ANO2: variants seen among roughly 807,000 people sequenced by gnomAD.
ANO2 encodes anoctamin 2, also known as anoctamin-2.
Under a neutral mutation model 124.2 loss-of-function variants are expected in ANO2, and 101 were observed. The ratio of observed to expected loss-of-function variants is 0.81; its 90% CI spans 0.69 to 0.96. The LOEUF (loss-of-function observed/expected upper bound fraction) is 0.96. ANO2 is among the 40% of genes least tolerant of loss of function. The pLI, the probability that ANO2 is intolerant of heterozygous loss-of-function variation, is 0.00. For missense variants in ANO2, 1,293 were observed against 1,274.5 expected (o/e 1.01, Z -0.22); for synonymous variants, 486 against 482.5 (o/e 1.01, Z -0.09).
rs1321698691 is a variant in ANO2 at position 5,904,597 on chromosome 12, T to C, written c.534+16443A>G. On this transcript the variant is annotated intron_variant, in intron 3 of 24. Coordinates refer to ENST00000682330, the MANE Select transcript of ANO2 (RefSeq NM_001364791.2). This position sits in a 1 kb window ranked among gnomAD's most constrained non-coding sequence, Gnocchi z 4.1. ...ACACTCCACATCGTCCTGTCCTCCC[T>C]GCCAGAGCCCCAGGTGACCCTGGTA... Among the ~76,000 whole-genome samples, 1 of 152,220 alleles carries C rather than the reference T, an allele frequency of 6.6e-6. No individual in the cohort carries two copies. The highest frequency in any genetic ancestry group is 1.5e-5 in the Non-Finnish European group (1 of 68,040).
intron 3 of ANO2, among the ~76,000 whole-genome samples, chr12:5,910,325 C>T (rs568582090): frequency 3.4e-4 from 51 of 152,200 alleles, no homozygotes; most frequent in Non-Finnish European, 5.6e-4. Context: ...ATTACAGGCA[C>T]GTGCCACCAA....
chr12:5,912,279 G>A (rs1397226335), intron 3 of ANO2, among the ~76,000 whole-genome samples: 2 of 152,106 alleles, frequency 1.3e-5, no homozygotes, highest in South Asian at 2.1e-4. Context: ...CACCTCCTGG[G>A]GAGTATGAGA....
At chr12:5,827,512 A>C (rs561488677) in intron 7 of ANO2, among the ~76,000 whole-genome samples, 13 of 152,284 alleles carry the variant, frequency 8.5e-5, no homozygotes, top group South Asian at 8.3e-4. Context: ...TACAGGGAAA[A>C]GAGAAAGAGA....
chr12:5,845,733 T>A (rs1954666171), intron 4 of ANO2, among the ~76,000 whole-genome samples: 1 of 152,154 alleles, frequency 6.6e-6, no homozygotes, highest in South Asian at 2.1e-4. Context: ...CAGACAGACA[T>A]GATTTTGAGT....
At chr12:5,945,381 GC>G, upstream of ANO2, 1 of 699,242 alleles carries the variant, frequency 1.4e-6, no homozygotes, top group Non-Finnish European at 1.8e-6. Flanking sequence ...GCGCCGCGCA[GC>G]CACAGCCCAG....
chr12:5,601,691 A>C (rs1460257077), intron 19 of ANO2, among the ~76,000 whole-genome samples: 1 of 152,254 alleles, frequency 6.6e-6, no homozygotes, highest in Non-Finnish European at 1.5e-5. Context: ...TATACATAGA[A>C]AATTGAATAT....
intron 10 of ANO2, among the ~76,000 whole-genome samples, chr12:5,772,800 TA>T (rs1952121124): frequency 6.6e-6 from 1 of 152,252 alleles, no homozygotes. Flanking sequence ...TAAATTAAAA[TA>T]TTTTTGCTGA....
intron 10 of ANO2, among the ~76,000 whole-genome samples, chr12:5,771,478 T>C (rs1480845511): frequency 2.0e-5 from 3 of 152,232 alleles, no homozygotes; most frequent in Non-Finnish European, 4.4e-5. Flanking sequence ...ACCCTAAGGT[T>C]CATCTAAAAC....
At position 5,878,571 on chromosome 12, in the gene ANO2, CAA is replaced by C. The variant is rs1291145280; in HGVS notation, c.535-24432_535-24431del. 2.0e-5 allele frequency among the ~76,000 whole-genome samples: 3 copies of C among 152,290 alleles called. No individual in the cohort carries two copies. The East Asian group carries it at 5.8e-4, about 29-fold the overall frequency. On this transcript the variant is annotated intron_variant, in intron 3 of 24. Transcript: ENST00000682330. ...ATTGATTTTTCTCTTAAGCTGGATT[CAA>C]ATAACATAGACAAACATAGACAACA... is the stretch of plus-strand genomic sequence containing the variant.
intron 14 of ANO2, among the ~76,000 whole-genome samples, chr12:5,655,924 G>C (rs1947129789): frequency 6.6e-6 from 1 of 152,168 alleles, no homozygotes; most frequent in African/African-American, 2.4e-5. Context: ...CCAAAACTCA[G>C]GAAGGGACAT....
intron 14 of ANO2, among the ~76,000 whole-genome samples, chr12:5,683,548 A>G (rs1165573482): frequency 6.6e-6 from 1 of 152,004 alleles, no homozygotes; most frequent in Non-Finnish European, 1.5e-5. Flanking sequence ...GGCCACATAC[A>G]CCGTATTTTT....
chr12:5,578,247 A>G, intron 21 of ANO2, 119 bp downstream of exon 21: 1 of 1,413,520 alleles, frequency 7.1e-7, no homozygotes, highest in Non-Finnish European at 9.6e-7. Context: ...AGGATGAGGG[A>G]CCCAAAGGGA....
At chr12:5,723,533 C>T (rs1202187798) in intron 14 of ANO2, among the ~76,000 whole-genome samples, 3 of 151,102 alleles carry the variant, frequency 2.0e-5, no homozygotes, top group Non-Finnish European at 2.9e-5. Context: ...GGCTGGGGTG[C>T]CCCAGGGAGT....
intron 3 of ANO2, among the ~76,000 whole-genome samples, chr12:5,873,454 A>G (rs1461274855): frequency 6.6e-6 from 1 of 151,880 alleles, no homozygotes; most frequent in African/African-American, 2.4e-5. Flanking sequence ...GCCCTACTAC[A>G]CTCCAGGACC....
At position 5,563,156 on chromosome 12, in the gene ANO2, C is replaced by T; in HGVS notation, c.*143G>A. The T allele has an allele frequency of 4.4e-6, 5 of 1,138,704 alleles. No individual in the cohort carries two copies. Among genetic ancestry groups the T allele is most frequent in the Non-Finnish European group, 6.0e-6 (5 of 828,748 alleles). The allele number at this position is 1,138,704 out of a possible 1,614,324, so 70.5% of individuals were successfully genotyped here. A position where few individuals can be genotyped will look rare whatever the true frequency, so the allele number is the denominator to read the frequency against. ...CTACACTCATTCTGTCAGGCTCTTT[C>T]TTTTTACACACTGCCCCCTCTTCAA... On this transcript the variant is annotated 3_prime_UTR_variant, in exon 25 of 25. Transcript: ENST00000682330.
At chr12:5,625,078 A>G (rs1211731946) in intron 16 of ANO2, among the ~76,000 whole-genome samples, 1 of 152,200 alleles carries the variant, frequency 6.6e-6, no homozygotes, top group African/African-American at 2.4e-5. Flanking sequence ...CCGGAGAGTA[A>G]ATGTGTGGCT....
intron 14 of ANO2, among the ~76,000 whole-genome samples, chr12:5,698,657 G>A (rs1295189792): frequency 6.6e-6 from 1 of 152,182 alleles, no homozygotes; most frequent in Non-Finnish European, 1.5e-5. Context: ...CGAGCTAAAG[G>A]AGGATGTTCG....
At position 5,578,368 on chromosome 12, in the gene ANO2, A is replaced by G; in HGVS notation, c.2384T>C (p.Ile795Thr). Residue 795 changes from isoleucine (I) to threonine (T), a missense_variant and splice_region_variant, in exon 21 of 25, where the codon ATC becomes ACC. Ile to Thr is a moderately conservative substitution (Grantham distance 89). Transcript: ENST00000682330. ...GGGCCTCTAAGTGGGGCACGTACCG[A>G]TATCTTTGGTTCTTACAGCATCCGG... ...RRPDAVRTKD[I>T]GIWFDILSGI... The G allele has an allele frequency of 1.2e-6, 2 of 1,613,632 alleles. No homozygotes were observed. Among genetic ancestry groups the G allele is most frequent in the African/African-American group, 1.3e-5 (1 of 75,026 alleles).
intron 14 of ANO2, among the ~76,000 whole-genome samples, chr12:5,717,993 A>T (rs1421393151): frequency 6.6e-6 from 1 of 152,212 alleles, no homozygotes; most frequent in African/African-American, 2.4e-5. Flanking sequence ...GGTTTGGAGA[A>T]TCAGTAAGGA....
Sources: allele counts gnomAD v4.1 joint callset (sites outside exome capture counted in the v4.1 genomes callset), GRCh38; gene constraint gnomAD v4.1.1; non-coding constraint Gnocchi (gnomAD v3.1); transcripts MANE v1.5; gene names NCBI Gene and HGNC (gene_info 2026-07-23, HGNC 2026-07-21).